KRT15: variants seen among roughly 807,000 people sequenced by gnomAD.
The protein encoded by KRT15 is keratin 15.
KRT15 carries 45 observed loss-of-function variants against 46.6 expected under a neutral mutation model. The observed-to-expected ratio is 0.97, with a 90% confidence interval of 0.76 to 1.24. KRT15 has a LOEUF of 1.24. KRT15 is among the 50% of genes most tolerant of loss of function. The pLI is 0.00. For missense variants in KRT15, 592 were observed against 588.9 expected (o/e 1.01, Z -0.05); for synonymous variants, 221 against 233.8 (o/e 0.95, Z 0.50).
Position 41,517,078 on chromosome 17 carries a change from C to G in KRT15, c.581+5G>C. ...CAGGAAGAGGAGAGAGACGGGGGAG[C>G]GCACTTGAGCCTGAAGTCGTCCGCA... On this transcript the variant is annotated splice_donor_5th_base_variant and intron_variant, in intron 2 of 7. Transcript: ENST00000254043. 1 of 1,614,138 alleles carries G rather than the reference C, an allele frequency of 6.2e-7. No homozygotes were observed. The highest frequency in any genetic ancestry group is 8.5e-7 in the Non-Finnish European group (1 of 1,179,982).
chr17:41,515,666 G>C lies in KRT15; in HGVS notation c.1053C>G (p.Ala351=). The C allele has an allele frequency of 1.9e-6, 3 of 1,614,018 alleles. No homozygotes were observed. Among genetic ancestry groups the C allele is most frequent in the Non-Finnish European group, 2.5e-6 (3 of 1,179,982 alleles). The change falls in exon 6 of 8, where the codon GCC becomes GCG. Residue 351 remains alanine, a synonymous_variant. Transcript: ENST00000254043. ...GCGTGGCATAGCGGCACTCTGTCTC[G>C]GCCAGTGAGTTCTCCAGCCCAGCTT... The part of the protein sequence containing the change: ...SMKAGLENSL[A]ETECRYATQL...
At chr17:41,516,704 G>A (rs1905387800) in intron 3 of KRT15, 104 bp downstream of exon 3, 1 of 1,354,432 alleles carries the variant, frequency 7.4e-7, no homozygotes, top group Non-Finnish European at 1.0e-6. Context: ...AATCTGGGAG[G>A]GCTTCCTGGA....
Position 41,516,000 on chromosome 17 carries a change from A to G in KRT15, c.911T>C (p.Leu304Pro), listed in dbSNP as rs1905345478. The change falls in exon 5 of 8, where the codon CTG (leucine) becomes CCG (proline). Residue 304 changes from leucine (L) to proline (P), a missense_variant. Transcript: ENST00000254043. ...EAWFFSKTEE[L>P]NKEVASNTEM... is the part of the protein sequence containing the mutation. Reference sequence around the variant, plus strand: ...TGTGTTGGAGGCCACCTCTTTGTTCAGCTCCTCAGTCTGTAGGTCATGCAC... The same window carrying G: ...TGTGTTGGAGGCCACCTCTTTGTTCGGCTCCTCAGTCTGTAGGTCATGCAC... The G allele has an allele frequency of 6.2e-7, 1 of 1,613,974 alleles. No homozygotes were observed. Among genetic ancestry groups the G allele is most frequent in the Non-Finnish European group, 8.5e-7 (1 of 1,180,016 alleles).
chr17:41,517,366 T>C (rs1905437445), intron 1 of KRT15: 2 of 587,478 alleles, frequency 3.4e-6, no homozygotes, highest in Non-Finnish European at 6.1e-6. Context: ...TTTTGTCCCA[T>C]CCAGCCTCCT....
Position 41,516,198 on chromosome 17 carries a change from A to C in KRT15, c.806T>G (p.Val269Gly), listed in dbSNP as rs1362686475. The C allele has an allele frequency of 3.1e-6, 5 of 1,613,960 alleles. No homozygotes were observed. The highest frequency in any genetic ancestry group is 4.2e-6 in the Non-Finnish European group (5 of 1,180,006). The change falls in exon 4 of 8, where the codon GTG becomes GGG. Residue 269 changes from valine to glycine, a missense_variant. Physicochemically the swap from Val to Gly is moderately radical, Grantham distance 109. Transcript: ENST00000254043. ...VNVEMDAAPG[V>G]DLTRVLAEMR... ...CTCTGCCAGCACACGGGTCAGGTCC[A>C]CACCCGGTGCTGCGTCCATCTCCAC...
rs1905503218 is a variant in KRT15, at chr17:41,518,442, G to T, written c.386C>A (p.Ala129Asp). Residue 129 changes from alanine to aspartate, a missense_variant, in exon 1 of 8, where the codon GCC becomes GAC. Physicochemically the swap from Ala to Asp is moderately radical, Grantham distance 126. Coordinates refer to ENST00000254043, the MANE Select transcript of KRT15 (RefSeq NM_002275.4). Reference sequence around the variant, plus strand: ...GATCTTCACCTCCAGGTCAGCATTGGCCTCCTCCAGGGCACGTACCTTGTC... The same window carrying T: ...GATCTTCACCTCCAGGTCAGCATTGTCCTCCTCCAGGGCACGTACCTTGTC... ...YLDKVRALEE[A>D]NADLEVKIHD... The T allele has an allele frequency of 2.5e-6, 4 of 1,614,014 alleles. No individual in the cohort carries two copies. The highest frequency in any genetic ancestry group is 3.4e-6 in the Non-Finnish European group (4 of 1,180,000).
chr17:41,517,748 T>C (rs1004518485), intron 1 of KRT15: 1 of 160,140 alleles, frequency 6.2e-6, no homozygotes, highest in Non-Finnish European at 1.4e-5. Flanking sequence ...ACAAAAGACC[T>C]CTTTATAGGA....
In KRT15 at chr17:41,516,184, CA is replaced by C; in HGVS notation, c.819del (p.Val274CysfsTer5). ...TACTGCTCCCTCATCTCTGCCAGCA[CA>C]CGGGTCAGGTCCACACCCGGTGCTG... Reference protein sequence around the residue: ...MDAAPGVDLTRVLAEMREQYE... With the variant: ...MDAAPGVDLTXVLAEMREQYE... On this transcript the variant is annotated frameshift_variant, in exon 4 of 8. Transcript: ENST00000254043. LOFTEE classifies it high-confidence loss of function. 1 of 1,614,210 alleles carries C rather than the reference CA, an allele frequency of 6.2e-7. No homozygotes were observed. The highest frequency in any genetic ancestry group is 8.5e-7 in the Non-Finnish European group (1 of 1,180,034).
chr17:41,515,539 C>A lies in KRT15; in HGVS notation c.1180G>T (p.Asp394Tyr). ...AQNQEYKMLLDIKTRLEQEIA... is the reference protein window; with the variant it reads ...AQNQEYKMLLYIKTRLEQEIA... ...TCCTGCTCCAGCCGTGTCTTTATGT[C>A]AAGCAGCATCTTGTACTCCTGGTTC... is the stretch of plus-strand genomic sequence containing the variant. Residue 394 changes from aspartate to tyrosine, a missense_variant, in exon 6 of 8, where the codon GAC becomes TAC. Transcript: ENST00000254043. 1.2e-6 allele frequency: 2 copies of A among 1,614,132 alleles called. No homozygotes were observed. Among genetic ancestry groups the A allele is most frequent in the South Asian group, 2.2e-5 (2 of 91,086 alleles).
Position 41,516,205 on chromosome 17 carries a change from G to A in KRT15, c.799C>T (p.Pro267Ser). 1 of 1,614,120 alleles carries A rather than the reference G, an allele frequency of 6.2e-7. No homozygotes were observed. The highest frequency in any genetic ancestry group is 8.5e-7 in the Non-Finnish European group (1 of 1,180,026). ...GQVNVEMDAAPGVDLTRVLAE... is the reference protein window; with the variant it reads ...GQVNVEMDAASGVDLTRVLAE... ...AGCACACGGGTCAGGTCCACACCCG[G>A]TGCTGCGTCCATCTCCACATTGACC... The change falls in exon 4 of 8, where the codon CCG (proline) becomes TCG (serine). Residue 267 changes from proline to serine, a missense_variant. By Grantham distance (74) the Pro-to-Ser change is moderately conservative (BLOSUM62 -1). Transcript: ENST00000254043.
intron 6 of KRT15, 95 bp downstream of exon 6, chr17:41,515,377 G>C: frequency 9.5e-7 from 1 of 1,052,786 alleles, no homozygotes; most frequent in South Asian, 1.3e-5. Context: ...GTCCCTCAAG[G>C]CTGCTTAGGG....
Position 41,518,364 on chromosome 17 carries a change from T to C in KRT15, c.464A>G (p.Gln155Arg). ...GAGCTCTTCAATGGTCTTGAAGTAT[T>C]GGCTGTAGTCGCATTCTGGGCTGGT... ...TPTSPECDYS[Q>R]YFKTIEELRD... is the part of the protein sequence containing the mutation. Residue 155 changes from glutamine to arginine, a missense_variant, in exon 1 of 8, where the codon CAA (glutamine) becomes CGA (arginine). Coordinates refer to ENST00000254043, the MANE Select transcript of KRT15 (RefSeq NM_002275.4). 1 of 1,614,002 alleles carries C rather than the reference T, an allele frequency of 6.2e-7. No homozygotes were observed. Among genetic ancestry groups the C allele is most frequent in the Non-Finnish European group, 8.5e-7 (1 of 1,179,922 alleles).
At position 41,516,228 on chromosome 17, in the gene KRT15, ACCTGGCCGG is replaced by A; in HGVS notation, c.767_775del (p.Ala256_Gln258del). 6.2e-7 allele frequency: 1 copy of A among 1,613,852 alleles called. No homozygotes were observed. The highest frequency in any genetic ancestry group is 8.5e-7 in the Non-Finnish European group (1 of 1,179,940). ...CGGTGCTGCGTCCATCTCCACATTG[ACCTGGCCGG>A]CCAGCTGGCTGCTGAACTCCTTCAT... On this transcript the variant is annotated inframe_deletion, in exon 4 of 8. Coordinates refer to ENST00000254043, the MANE Select transcript of KRT15 (RefSeq NM_002275.4).
At chr17:41,514,423 C>T in intron 7 of KRT15, 1 of 600,510 alleles carries the variant, frequency 1.7e-6, no homozygotes, top group Non-Finnish European at 3.0e-6. Flanking sequence ...GAGAGACATG[C>T]CCTGAATGAA....
At chr17:41,515,392 C>A in intron 6 of KRT15, 80 bp downstream of exon 6, 2 of 1,252,672 alleles carry the variant, frequency 1.6e-6, no homozygotes, top group Non-Finnish European at 2.3e-6. Flanking sequence ...TTAGGGACAC[C>A]CTGCCATTCC....
chr17:41,517,492 T>C (rs879448788), intron 1 of KRT15: 20 of 368,222 alleles, frequency 5.4e-5, no homozygotes, highest in Admixed American at 5.0e-4. Context: ...CAGCCAGCTC[T>C]GACAATAGCT....
chr17:41,518,181 G>A lies in KRT15; in HGVS notation c.498+149C>T, dbSNP rs565408184. On this transcript the variant is annotated intron_variant, in intron 1 of 7. Coordinates refer to ENST00000254043, the MANE Select transcript of KRT15 (RefSeq NM_002275.4). ...CACTGGCCTCTGCACCTGGACAGCA[G>A]GTGCATTCCAAATTTGCTGAGATTA... The A allele has an allele frequency of 5.6e-5, 48 of 851,178 alleles. No homozygotes were observed. In the African/African-American group the frequency reaches 7.4e-4, roughly 13 times the overall value. 52.7% of individuals were successfully genotyped at this position (851,178 alleles called of 1,614,324 possible). A position where few individuals can be genotyped will look rare whatever the true frequency, so the allele number is the denominator to read the frequency against.
chr17:41,517,139 G>A lies in KRT15; in HGVS notation c.525C>T (p.Ser175=). 1 of 1,614,162 alleles carries A rather than the reference G, an allele frequency of 6.2e-7. No homozygotes were observed. Among genetic ancestry groups the A allele is most frequent in the Non-Finnish European group, 8.5e-7 (1 of 1,180,028 alleles). The change falls in exon 2 of 8, where the codon TCC becomes TCT. Residue 175 remains serine (S), a synonymous_variant. Transcript: ENST00000254043. Reference sequence around the variant, plus strand: ...CATTGTCGATCTCCAGGATGACCCGGGAGTTGTCGATGGTGGTGGCCATGA... The same window carrying A: ...CATTGTCGATCTCCAGGATGACCCGAGAGTTGTCGATGGTGGTGGCCATGA... ...DKIMATTIDN[S]RVILEIDNAR...
rs1176886502 is a variant in KRT15, at chr17:41,518,392, G to A, written c.436C>T (p.Pro146Ser). 8.1e-6 allele frequency: 13 copies of A among 1,613,888 alleles called. No individual in the cohort carries two copies. Among genetic ancestry groups the A allele is most frequent in the Non-Finnish European group, 1.0e-5 (12 of 1,179,996 alleles). Residue 146 changes from proline to serine, a missense_variant, in exon 1 of 8, where the codon CCA becomes TCA. Pro to Ser is a moderately conservative substitution (Grantham distance 74). Transcript: ENST00000254043. ...KIHDWYQKQT[P>S]TSPECDYSQY... Reference sequence around the variant, plus strand: ...CTGTAGTCGCATTCTGGGCTGGTTGGGGTCTGCTTCTGGTACCAGTCATGG... The same window carrying A: ...CTGTAGTCGCATTCTGGGCTGGTTGAGGTCTGCTTCTGGTACCAGTCATGG...
Sources: gnomAD v4.1 joint callset for allele counts on GRCh38, gnomAD v4.1.1 for gene constraint, MANE v1.5 for transcripts, NCBI Gene and HGNC (gene_info 2026-07-23, HGNC 2026-07-21) for gene names.